Variants in PPFIA3 observed in about 807,000 individuals in gnomAD.
The protein encoded by PPFIA3 is PPFI scaffold protein A3, also known as liprin-alpha-3.
Under a neutral mutation model 145.8 loss-of-function variants are expected in PPFIA3, and 26 were observed. That is an observed-to-expected ratio of 0.18 (90% CI 0.13 to 0.25). The LOEUF (loss-of-function observed/expected upper bound fraction) is 0.25. PPFIA3 is among the 10% of genes least tolerant of loss of function. PPFIA3 has a pLI of 1.00. For synonymous variants in PPFIA3, 645 were observed against 661.4 expected, an observed-to-expected ratio of 0.98 and a Z score of 0.38; for missense variants, 1,008 against 1,587.8, an observed-to-expected ratio of 0.63 and a Z score of 6.21.
rs369298116 is a variant in PPFIA3 at position 49,133,150 on chromosome 19, G to C, written c.1026+3G>C. The stretch of plus-strand genomic sequence containing the variant: ...GCAAGGAGTCGTTGTATCGGCAGGT[G>C]GGGGCGCGGCCGGGAGGGGCGATGG... On this transcript the variant is annotated splice_donor_region_variant and intron_variant, in intron 8 of 29. Transcript: ENST00000334186. This position sits in a 1 kb window ranked among gnomAD's most constrained non-coding sequence, Gnocchi z 7.2. 2.5e-6 allele frequency: 4 copies of C among 1,594,560 alleles called. No homozygotes were observed. The highest frequency in any genetic ancestry group is 2.2e-5 in the East Asian group (1 of 44,650).
chr19:49,136,719 G>C lies in PPFIA3; in HGVS notation c.1666-5G>C, dbSNP rs1342482296. The C allele has an allele frequency of 6.8e-7, 1 of 1,466,718 alleles. No individual in the cohort carries two copies. Among genetic ancestry groups the C allele is most frequent in the Non-Finnish European group, 9.1e-7 (1 of 1,094,426 alleles). 90.9% of individuals were successfully genotyped at this position (1,466,718 alleles called of 1,614,324 possible). ...TAATGTCCCTCTGTCCCCACACAGG[G>C]ATAGGATTGGGAGCGGTCTGCCCCT... On this transcript the variant is annotated splice_polypyrimidine_tract_variant and splice_region_variant and intron_variant, in intron 14 of 29. Coordinates refer to ENST00000334186, the MANE Select transcript of PPFIA3 (RefSeq NM_003660.4).
chr19:49,145,837 AGGAG>A (rs1402996780), intron 21 of PPFIA3, 102 bp from the exon 22 acceptor site: 1 of 942,280 alleles, frequency 1.1e-6, no homozygotes, highest in Non-Finnish European at 1.7e-6. Context: ...CCCAGAAAGC[AGGAG>A]GGACATAAAC....
chr19:49,144,504 G>A (rs1022168230), intron 21 of PPFIA3, among the ~76,000 whole-genome samples: 18 of 151,846 alleles, frequency 1.2e-4, no homozygotes, highest in South Asian at 2.1e-4. Flanking sequence ...TCTTGAACCC[G>A]GGAGTTCGAG....
At chr19:49,136,967 CCTTCT>C in intron 15 of PPFIA3, 56 bp downstream of exon 15, 1 of 1,419,224 alleles carries the variant, frequency 7.0e-7, no homozygotes, top group Non-Finnish European at 9.3e-7. Context: ...ACTCCACAGC[CCTTCT>C]GGCTCTGGAG....
In PPFIA3 at chr19:49,127,951, G is replaced by A; in HGVS notation, c.78G>A (p.Gly26=). Residue 26 remains glycine, a synonymous_variant, in exon 2 of 30, where the codon GGG becomes GGA. Coordinates refer to ENST00000334186, the MANE Select transcript of PPFIA3 (RefSeq NM_003660.4). ...GSALGPDEAG[G]ELERLMVTML... Reference sequence around the variant, plus strand: ...CGCTGGGCCCGGACGAGGCGGGCGGGGAGCTGGAGCGCCTCATGGTCACGA... The same window carrying A: ...CGCTGGGCCCGGACGAGGCGGGCGGAGAGCTGGAGCGCCTCATGGTCACGA... The A allele has an allele frequency of 6.3e-7, 1 of 1,594,644 alleles. No homozygotes were observed. Among genetic ancestry groups the A allele is most frequent in the Non-Finnish European group, 8.5e-7 (1 of 1,178,104 alleles).
chr19:49,137,048 C>T (rs2122594462), intron 15 of PPFIA3, 137 bp downstream of exon 15: 1 of 805,834 alleles, frequency 1.2e-6, no homozygotes, highest in African/African-American at 1.7e-5. Flanking sequence ...CCAACACTCA[C>T]TCCGCTGTCC....
At position 49,130,202 on chromosome 19, in the gene PPFIA3, C is replaced by T; in HGVS notation, c.657+135C>T. ...TAAGAGTGTCACAGAGCTTGGACCT[C>T]TGATTCAGGTCACCTAGCGAACTTC... On this transcript the variant is annotated intron_variant, in intron 6 of 29. Transcript: ENST00000334186. This position sits in a 1 kb window ranked among gnomAD's most constrained non-coding sequence, Gnocchi z 4.5. The T allele has an allele frequency of 8.5e-7, 1 of 1,176,512 alleles. No homozygotes were observed. 72.9% of individuals were successfully genotyped at this position (1,176,512 alleles called of 1,614,324 possible).
chr19:49,121,932 G>A (rs1286496256), intron 1 of PPFIA3, among the ~76,000 whole-genome samples: 1 of 151,700 alleles, frequency 6.6e-6, no homozygotes, highest in African/African-American at 2.4e-5. Context: ...CATCGCGCCT[G>A]GCCGGGCCAC....
In PPFIA3 at chr19:49,133,984, T is replaced by C. The variant is rs755894206; in HGVS notation, c.1246-50T>C. On this transcript the variant is annotated intron_variant, in intron 10 of 29. Coordinates refer to ENST00000334186, the MANE Select transcript of PPFIA3 (RefSeq NM_003660.4). This position sits in a 1 kb window ranked among gnomAD's most constrained non-coding sequence, Gnocchi z 7.2. ...GGGGTGGGGCTTAGAGGAAGGGCCG[T>C]GGTCTGGGCAGGGTGGGCTTAACAA... 3 of 1,604,376 alleles carry C rather than the reference T, an allele frequency of 1.9e-6. No homozygotes were observed. The highest frequency in any genetic ancestry group is 1.1e-5 in the South Asian group (1 of 89,834).
intron 1 of PPFIA3, among the ~76,000 whole-genome samples, chr19:49,127,274 C>T (rs1484192492): frequency 4.1e-5 from 6 of 147,618 alleles, no homozygotes; most frequent in African/African-American, 1.5e-4. Flanking sequence ...CCCAGCTACT[C>T]GGGAGGCTGA....
chr19:49,133,223 T>C lies in PPFIA3; in HGVS notation c.1027-14T>C. 6.3e-7 allele frequency: 1 copy of C among 1,577,084 alleles called. No individual in the cohort carries two copies. The highest frequency in any genetic ancestry group is 1.1e-5 in the South Asian group (1 of 89,754). On this transcript the variant is annotated splice_polypyrimidine_tract_variant and intron_variant, in intron 8 of 29. Coordinates refer to ENST00000334186, the MANE Select transcript of PPFIA3 (RefSeq NM_003660.4). This position sits in a 1 kb window ranked among gnomAD's most constrained non-coding sequence, Gnocchi z 7.2. ...ACCCAGCCCGTCCCCTCCCCCTGCC[T>C]CTCCCTCCCCCAGAGTGAAGAGAAG...
In PPFIA3 at chr19:49,120,766, C is replaced by T. The variant is rs1431006620; in HGVS notation, c.-16+1044C>T. Among the ~76,000 whole-genome samples the T allele has an allele frequency of 6.6e-6, 1 of 152,174 alleles. No individual in the cohort carries two copies. The highest frequency in any genetic ancestry group is 1.5e-5 in the Non-Finnish European group (1 of 68,022). ...ACTTGGGGACCTAAATGTCTTGGTC[C>T]CAGTCTCCTATCCCCTCAGGGACCC... On this transcript the variant is annotated intron_variant, in intron 1 of 29. Coordinates refer to ENST00000334186, the MANE Select transcript of PPFIA3 (RefSeq NM_003660.4). This position sits in a 1 kb window ranked among gnomAD's most constrained non-coding sequence, Gnocchi z 4.6.
Position 49,148,753 on chromosome 19 carries a change from C to T in PPFIA3, c.3099C>T (p.Thr1033=), listed in dbSNP as rs926966796. Residue 1033 remains threonine (T), a synonymous_variant, in exon 25 of 30, where the codon ACC becomes ACT. Coordinates refer to ENST00000334186, the MANE Select transcript of PPFIA3 (RefSeq NM_003660.4). ...AGCGGAGGCGGGAAGAAAGTCAGAC[C>T]CAGATCCGAGGTGAGTAGAGCCTAA... ...DLERRREESQ[T]QIRDVMVWSN... The T allele has an allele frequency of 3.7e-6, 6 of 1,613,422 alleles. No homozygotes were observed. The highest frequency in any genetic ancestry group is 5.1e-6 in the Non-Finnish European group (6 of 1,179,554).
At chr19:49,144,942 T>G (rs1211804026) in intron 21 of PPFIA3, among the ~76,000 whole-genome samples, 3 of 150,294 alleles carry the variant, frequency 2.0e-5, no homozygotes, top group East Asian at 3.9e-4. Context: ...CTTTTTTTTT[T>G]TTTTTTGAGA....
chr19:49,140,451 C>T (rs562202737), intron 18 of PPFIA3, among the ~76,000 whole-genome samples: 28 of 151,370 alleles, frequency 1.8e-4, no homozygotes, highest in African/African-American at 3.6e-4. Context: ...TGGGTTCAAG[C>T]GATTCTCCTG....
In PPFIA3 at chr19:49,150,296, C is replaced by G; in HGVS notation, c.*74C>G. ...TGGGCTGTTCCCTCTCCTGCCCGGACTGTGGCCTCGCCGGGGAGAGCGGGC... is the reference window on the plus strand; with the variant it reads ...TGGGCTGTTCCCTCTCCTGCCCGGAGTGTGGCCTCGCCGGGGAGAGCGGGC... On this transcript the variant is annotated 3_prime_UTR_variant, in exon 30 of 30. Transcript: ENST00000334186. 1 of 792,022 alleles carries G rather than the reference C, an allele frequency of 1.3e-6. No individual in the cohort carries two copies. Among genetic ancestry groups the G allele is most frequent in the Non-Finnish European group, 2.0e-6 (1 of 512,510 alleles). 49.1% of individuals were successfully genotyped at this position (792,022 alleles called of 1,614,324 possible).
chr19:49,143,579 G>A (rs2122632777), intron 21 of PPFIA3, among the ~76,000 whole-genome samples: 1 of 152,180 alleles, frequency 6.6e-6, no homozygotes, highest in African/African-American at 2.4e-5. Context: ...TGACACGTTG[G>A]CCAGACTGGT....
chr19:49,138,557 G>A (rs1442854964), intron 16 of PPFIA3, 130 bp downstream of exon 16: 4 of 734,906 alleles, frequency 5.4e-6, no homozygotes, highest in Non-Finnish European at 5.8e-6. Context: ...TTTCCCTAAA[G>A]GTTCAAACTC....
In PPFIA3 at chr19:49,139,654, C is replaced by G. The variant is rs765524297; in HGVS notation, c.2077-14C>G. On this transcript the variant is annotated splice_polypyrimidine_tract_variant and intron_variant, in intron 16 of 29. Transcript: ENST00000334186. ...CTTTGAACTCAATCCAGCATCTGTG[C>G]CCTCTGTCCTCAGAATCATGTCCCT... The G allele has an allele frequency of 6.4e-7, 1 of 1,560,716 alleles. No homozygotes were observed. Among genetic ancestry groups the G allele is most frequent in the South Asian group, 1.2e-5 (1 of 83,236 alleles).
Sources: allele counts gnomAD v4.1 joint callset (sites outside exome capture counted in the v4.1 genomes callset), GRCh38; gene constraint gnomAD v4.1.1; non-coding constraint Gnocchi (gnomAD v3.1); transcripts MANE v1.5; gene names NCBI Gene and HGNC (gene_info 2026-07-23, HGNC 2026-07-21).